The following SDK1 variants were observed in gnomAD, a reference collection of about 807,000 sequenced individuals.
SDK1 encodes protein sidekick-1.
SDK1 carries 157 observed loss-of-function variants against 245.5 expected under a neutral mutation model. The ratio of observed to expected loss-of-function variants is 0.64; its 90% CI spans 0.56 to 0.73. The LOEUF is 0.73. Ranked by LOEUF, SDK1 falls within the 30% of genes least tolerant of loss-of-function variation. SDK1 has a pLI of 0.00. For missense variants in SDK1, 3,583 were observed against 3,002.3 expected, an observed-to-expected ratio of 1.19 and a Z score of -4.52; for synonymous variants, 1,647 against 1,278.5, an observed-to-expected ratio of 1.29 and a Z score of -6.15.
At chr7:3,932,240 G>A (rs1442479183) in intron 5 of SDK1, among the ~76,000 whole-genome samples, 1 of 152,204 alleles carries the variant, frequency 6.6e-6, no homozygotes, top group Non-Finnish European at 1.5e-5. Context: ...ATGCCCGTAA[G>A]TGAGTATCTT....
At chr7:3,476,315 A>G (rs1781346471) in intron 1 of SDK1, among the ~76,000 whole-genome samples, 1 of 152,180 alleles carries the variant, frequency 6.6e-6, no homozygotes, top group South Asian at 2.1e-4. Flanking sequence ...ATACATAGAC[A>G]ATATTTTTCA....
intron 40 of SDK1, among the ~76,000 whole-genome samples, chr7:4,222,570 C>T (rs1785204738): frequency 6.6e-6 from 1 of 152,224 alleles, no homozygotes; most frequent in Non-Finnish European, 1.5e-5. Flanking sequence ...GACAGGATTA[C>T]AGGCCTGAGC....
chr7:3,960,038 C>T (rs1207670743), intron 8 of SDK1, among the ~76,000 whole-genome samples: 2 of 152,190 alleles, frequency 1.3e-5, no homozygotes, highest in Non-Finnish European at 2.9e-5. Flanking sequence ...TTTGTTTATA[C>T]CCATCCGTCC....
chr7:4,060,906 A>T (rs10951424), intron 19 of SDK1, among the ~76,000 whole-genome samples: 1 of 150,904 alleles, frequency 6.6e-6, no homozygotes, highest in East Asian at 1.9e-4. Flanking sequence ...GGAATCCTTT[A>T]CCCATTGCTT....
intron 1 of SDK1, among the ~76,000 whole-genome samples, chr7:3,526,204 G>C (rs1009391785): frequency 6.6e-6 from 1 of 151,828 alleles, no homozygotes; most frequent in African/African-American, 2.4e-5. Flanking sequence ...CTGAACTCCA[G>C]CCTGGGAGAC....
In SDK1 at chr7:3,739,577, G is replaced by T. The variant is rs553724942; in HGVS notation, c.714-81873G>T. On this transcript the variant is annotated intron_variant, in intron 4 of 44. Coordinates refer to ENST00000404826, the MANE Select transcript of SDK1 (RefSeq NM_152744.4). Reference sequence around the variant, plus strand: ...TAAAATATACTGTTGAGTCCCTCCAGTGAATTTATTTGTTATTTTACCTTT... The same window carrying T: ...TAAAATATACTGTTGAGTCCCTCCATTGAATTTATTTGTTATTTTACCTTT... 2.6e-5 allele frequency among the ~76,000 whole-genome samples: 4 copies of T among 152,148 alleles called. No homozygotes were observed. In the East Asian group the frequency reaches 7.7e-4, roughly 29 times the overall value.
intron 1 of SDK1, among the ~76,000 whole-genome samples, chr7:3,503,435 G>C (rs753952383): frequency 9.9e-5 from 15 of 151,952 alleles, no homozygotes; most frequent in Non-Finnish European, 1.8e-4. Context: ...ATCTCAACAA[G>C]TTTTGAGGCC....
intron 5 of SDK1, among the ~76,000 whole-genome samples, chr7:3,831,615 G>C (rs1032493772): frequency 8.6e-5 from 13 of 152,012 alleles, no homozygotes; most frequent in African/African-American, 3.1e-4. Context: ...GATATCCTAT[G>C]GTTTAACTTC....
intron 4 of SDK1, among the ~76,000 whole-genome samples, chr7:3,730,394 C>G (rs6961115): frequency 0.018 from 2,803 of 152,268 alleles, 89 homozygotes; most frequent in African/African-American, 0.064. Context: ...GTGAATAGAA[C>G]TTTGCCAAGA....
chr7:3,792,883 C>T (rs1299167536), intron 4 of SDK1, among the ~76,000 whole-genome samples: 1 of 152,228 alleles, frequency 6.6e-6, no homozygotes, highest in African/African-American at 2.4e-5. Context: ...TCACCTTCCT[C>T]TAGCACTGGC....
At chr7:3,573,504 GCTGCCCC>G in intron 1 of SDK1, among the ~76,000 whole-genome samples, 1 of 152,206 alleles carries the variant, frequency 6.6e-6, no homozygotes, top group African/African-American at 2.4e-5. Context: ...AACAGATGCA[GCTGCCCC>G]CTGAGAAACA....
intron 22 of SDK1, among the ~76,000 whole-genome samples, chr7:4,093,659 G>A (rs1197098481): frequency 5.3e-5 from 8 of 152,300 alleles, no homozygotes; most frequent in East Asian, 1.9e-4. Flanking sequence ...GCTTAGAGAC[G>A]CCGAGGCTGC....
chr7:3,497,891 A>G (rs755212150), intron 1 of SDK1, among the ~76,000 whole-genome samples: 13 of 152,204 alleles, frequency 8.5e-5, no homozygotes, highest in Non-Finnish European at 1.9e-4. Context: ...TTTCTCAGCT[A>G]TGTGGGCTAT....
At chr7:3,525,528 C>T (rs937226312) in intron 1 of SDK1, among the ~76,000 whole-genome samples, 3 of 152,098 alleles carry the variant, frequency 2.0e-5, no homozygotes, top group Non-Finnish European at 2.9e-5. Context: ...GCACCACCAA[C>T]CTGGAAAGTG....
At chr7:3,340,515 C>G (rs934144207) in intron 1 of SDK1, among the ~76,000 whole-genome samples, 4 of 152,112 alleles carry the variant, frequency 2.6e-5, no homozygotes, top group Non-Finnish European at 5.9e-5. Context: ...GTAATCCCAG[C>G]ACTTTGGGAG....
chr7:3,997,043 C>T (rs1784737767), intron 14 of SDK1, among the ~76,000 whole-genome samples: 1 of 152,188 alleles, frequency 6.6e-6, no homozygotes, highest in Non-Finnish European at 1.5e-5. Context: ...AAATACAAGT[C>T]ATTTACAATA....
intron 22 of SDK1, among the ~76,000 whole-genome samples, chr7:4,103,749 A>G (rs1782726044): frequency 6.6e-6 from 1 of 152,230 alleles, no homozygotes; most frequent in Non-Finnish European, 1.5e-5. Context: ...GCAAGTCCAC[A>G]AGCAGCCAGA....
chr7:3,930,654 A>T (rs999485971), intron 5 of SDK1, among the ~76,000 whole-genome samples: 6 of 152,306 alleles, frequency 3.9e-5, no homozygotes, highest in Admixed American at 3.3e-4. Context: ...TTAGCCACGC[A>T]TGGTGGCACA....
At chr7:3,795,910 A>G (rs972763483) in intron 4 of SDK1, among the ~76,000 whole-genome samples, 4 of 152,198 alleles carry the variant, frequency 2.6e-5, no homozygotes, top group Non-Finnish European at 5.9e-5. Context: ...CTCTCATAAA[A>G]TGTGTTTCTG....
Sources: allele counts gnomAD v4.1 joint callset (sites outside exome capture counted in the v4.1 genomes callset), GRCh38; gene constraint gnomAD v4.1.1; transcripts MANE v1.5; gene names NCBI Gene and HGNC (gene_info 2026-07-23, HGNC 2026-07-21).